CTNNA2: variants seen among roughly 807,000 people sequenced by gnomAD.
CTNNA2 encodes the protein catenin alpha-2.
A neutral mutation model predicts 101.0 loss-of-function variants in CTNNA2; 42 were observed. The ratio of observed to expected loss-of-function variants is 0.42; its 90% CI spans 0.32 to 0.54. CTNNA2 has a LOEUF of 0.54. CTNNA2 is among the 20% of genes least tolerant of loss of function. The pLI is 0.14. For missense variants in CTNNA2, 871 were observed against 1,223.1 expected (o/e 0.71, Z 4.29); for synonymous variants, 450 against 456.4 (o/e 0.99, Z 0.18).
At chr2:80,538,761 G>T (rs749181246) in intron 9 of CTNNA2, among the ~76,000 whole-genome samples, 6 of 152,150 alleles carry the variant, frequency 3.9e-5, no homozygotes, top group Admixed American at 6.6e-5. Context: ...ATTCTGCAAA[G>T]AAAGTGAATG....
At chr2:79,537,129 A>AC (rs34056873) in intron 1 of CTNNA2, among the ~76,000 whole-genome samples, 6 of 151,666 alleles carry the variant, frequency 4.0e-5, no homozygotes, top group South Asian at 2.1e-4. Context: ...GGCTTAAACC[A>AC]CCCCCCATTG....
chr2:79,307,015 C>A (rs1676263575), intron 2 of CTNNA2, among the ~76,000 whole-genome samples: 1 of 152,060 alleles, frequency 6.6e-6, no homozygotes, highest in African/African-American at 2.4e-5. Flanking sequence ...GATATTAATC[C>A]TTTTTTAGTC....
At chr2:80,461,795 C>T (rs966803411) in intron 9 of CTNNA2, among the ~76,000 whole-genome samples, 5 of 151,796 alleles carry the variant, frequency 3.3e-5, no homozygotes, top group African/African-American at 4.9e-5. Context: ...CAAATAATGT[C>T]GACTTTTTCC....
At chr2:79,413,504 GA>G (rs781326083) in intron 4 of CTNNA2, among the ~76,000 whole-genome samples, 2 of 151,902 alleles carry the variant, frequency 1.3e-5, no homozygotes, top group Non-Finnish European at 2.9e-5. Context: ...TAGTTACTTT[GA>G]ATAGTGCTGC....
chr2:79,596,210 G>A (rs547191095), intron 1 of CTNNA2, among the ~76,000 whole-genome samples: 74 of 152,046 alleles, frequency 4.9e-4, no homozygotes, highest in African/African-American at 1.7e-3. Context: ...CACTCAGGAC[G>A]CTGCCTGGAA....
intron 7 of CTNNA2, among the ~76,000 whole-genome samples, chr2:80,024,810 G>C (rs1694832828): frequency 6.6e-6 from 1 of 152,236 alleles, no homozygotes; most frequent in Admixed American, 6.5e-5. Context: ...GACCAGTTCA[G>C]TGGAAGATCA....
At chr2:79,800,499 G>C (rs1210298067) in intron 3 of CTNNA2, among the ~76,000 whole-genome samples, 1 of 151,990 alleles carries the variant, frequency 6.6e-6, no homozygotes, top group East Asian at 1.9e-4. Context: ...AAAAATACAG[G>C]AAATGCTAAA....
At chr2:80,490,508 T>G (rs1411064782) in intron 9 of CTNNA2, among the ~76,000 whole-genome samples, 2 of 152,194 alleles carry the variant, frequency 1.3e-5, no homozygotes, top group African/African-American at 4.8e-5. Context: ...TTTAGATTTT[T>G]TTTAACTATT....
chr2:80,257,573 G>T (rs770272575), intron 7 of CTNNA2, among the ~76,000 whole-genome samples: 1 of 152,218 alleles, frequency 6.6e-6, no homozygotes, highest in Non-Finnish European at 1.5e-5. Context: ...TGAATGCAGT[G>T]CTGGAGAGAG....
intron 5 of CTNNA2, 27 bp from the exon 6 acceptor site, chr2:79,874,049 G>C (rs1264238311): frequency 7.5e-6 from 12 of 1,610,128 alleles, no homozygotes; most frequent in Middle Eastern, 1.7e-4. Context: ...TCATGTGTGT[G>C]ACAGCTTTCA....
At position 79,223,598 on chromosome 2, in the gene CTNNA2, A is replaced by G. The variant is rs182482934; in HGVS notation, c.-406+25522A>G. Among the ~76,000 whole-genome samples, 40 of 152,310 alleles carry G rather than the reference A, an allele frequency of 2.6e-4. No homozygotes were observed. The East Asian group carries it at 7.7e-3, about 29-fold the overall frequency. Reference sequence around the variant, plus strand: ...TCACCCATCAGTAAGACAGCACTCCAGGGATAGAAATCTTTCTGCTAATTG... The same window carrying G: ...TCACCCATCAGTAAGACAGCACTCCGGGGATAGAAATCTTTCTGCTAATTG... On this transcript the variant is annotated intron_variant, in intron 2 of 21. Coordinates refer to the CTNNA2 transcript ENST00000466387.
chr2:79,858,191 G>T lies in CTNNA2; in HGVS notation c.465+12G>T, dbSNP rs145187119. On this transcript the variant is annotated intron_variant, in intron 4 of 18. Transcript: ENST00000402739. ...CCCATCTGAAAATTGTACGTATGTA[G>T]AACTTATCAAAACTTTCTTTATGTG... 2,468 of 1,599,068 alleles carry T rather than the reference G, an allele frequency of 1.5e-3. 27 individuals carry two copies. The Middle Eastern group carries it at 0.033, about 21-fold the overall frequency.
At position 80,568,372 on chromosome 2, in the gene CTNNA2, C is replaced by A. The variant is rs571536267; in HGVS notation, c.1742-5791C>A. ...CTTAATTTTCCCCATTTATTCCTGT[C>A]CTATTCTTTTACTTCTTATCCTTCT... On this transcript the variant is annotated intron_variant, in intron 12 of 18. Transcript: ENST00000402739. Among the ~76,000 whole-genome samples, 5 of 152,318 alleles carry A rather than the reference C, an allele frequency of 3.3e-5. No homozygotes were observed. In the East Asian group the frequency reaches 9.6e-4, roughly 29 times the overall value.
At chr2:79,563,159 G>GTGTATATATATA in intron 1 of CTNNA2, among the ~76,000 whole-genome samples, 1 of 38,882 alleles carries the variant, frequency 2.6e-5, no homozygotes, top group East Asian at 1.1e-3. Context: ...TAATAAAGAT[G>GTGTATATATATA]TGTATATATA....
intron 3 of CTNNA2, among the ~76,000 whole-genome samples, chr2:79,770,315 T>G (rs1673483236): frequency 6.6e-6 from 1 of 152,214 alleles, no homozygotes; most frequent in South Asian, 2.1e-4. Context: ...GTGTATATTA[T>G]TTAGTTCATG....
intron 7 of CTNNA2, among the ~76,000 whole-genome samples, chr2:79,919,543 A>G (rs1686508317): frequency 6.6e-6 from 1 of 152,164 alleles, no homozygotes; most frequent in Non-Finnish European, 1.5e-5. Context: ...CCAAGTCATC[A>G]GATTTGGCCA....
At chr2:80,235,372 G>T (rs1056783595) in intron 7 of CTNNA2, among the ~76,000 whole-genome samples, 1 of 152,130 alleles carries the variant, frequency 6.6e-6, no homozygotes, top group Admixed American at 6.5e-5. Context: ...AAGTATTCGG[G>T]CTGTTTCTGC....
chr2:80,627,676 T>TG (rs1327788821), intron 18 of CTNNA2, among the ~76,000 whole-genome samples: 1 of 152,174 alleles, frequency 6.6e-6, no homozygotes, highest in Admixed American at 6.5e-5. Context: ...ACTCTGATGA[T>TG]AGTTTCCTTT....
chr2:79,551,741 A>G (rs1301845656), intron 1 of CTNNA2, among the ~76,000 whole-genome samples: 1 of 152,182 alleles, frequency 6.6e-6, no homozygotes, highest in Non-Finnish European at 1.5e-5. Flanking sequence ...TCATGGTGGA[A>G]GGCAAAGGGG....
Sources: allele counts gnomAD v4.1 joint callset (sites outside exome capture counted in the v4.1 genomes callset), GRCh38; gene constraint gnomAD v4.1.1; transcripts MANE v1.5; gene names NCBI Gene and HGNC (gene_info 2026-07-23, HGNC 2026-07-21).